GBE1: variants seen among roughly 807,000 people sequenced by gnomAD.
GBE1 encodes 1,4-alpha-glucan branching enzyme 1, also known as 1,4-alpha-glucan-branching enzyme.
GBE1 carries 70 observed loss-of-function variants against 88.8 expected under a neutral mutation model. The ratio of observed to expected loss-of-function variants is 0.79; its 90% CI spans 0.65 to 0.96. The LOEUF (loss-of-function observed/expected upper bound fraction) is 0.96, where lower values mean the gene tolerates loss of function less well. GBE1 is among the 40% of genes least tolerant of loss of function. The pLI, the probability that GBE1 is intolerant of heterozygous loss-of-function variation, is 0.00. For synonymous variants in GBE1, 284 were observed against 300.1 expected (o/e 0.95, Z 0.56); for missense variants, 872 against 871.0 (o/e 1.00, Z -0.01).
intron 12 of GBE1, among the ~76,000 whole-genome samples, chr3:81,538,900 G>C (rs1703110832): frequency 6.6e-6 from 1 of 151,920 alleles, no homozygotes. Context: ...GTGGATCTCT[G>C]GGTTGATCCC....
chr3:81,598,404 C>A (rs201647152), intron 7 of GBE1, among the ~76,000 whole-genome samples: 3 of 151,760 alleles, frequency 2.0e-5, no homozygotes, highest in Admixed American at 6.6e-5. Flanking sequence ...TATAGAATGC[C>A]AAAAAAGTCT....
chr3:81,740,099 C>A (rs1310422542), intron 1 of GBE1, among the ~76,000 whole-genome samples: 6 of 152,020 alleles, frequency 3.9e-5, no homozygotes, highest in Non-Finnish European at 8.8e-5. Flanking sequence ...GTGGCATATG[C>A]CTGTAGTCCC....
chr3:81,667,326 C>T (rs188028502), intron 3 of GBE1, among the ~76,000 whole-genome samples: 1 of 152,142 alleles, frequency 6.6e-6, no homozygotes, highest in African/African-American at 2.4e-5. Context: ...AGTTGCTTAT[C>T]AGCTAAAGGA....
intron 3 of GBE1, among the ~76,000 whole-genome samples, chr3:81,651,919 C>T (rs1352702288): frequency 6.6e-6 from 1 of 152,212 alleles, no homozygotes; most frequent in Admixed American, 6.5e-5. Context: ...GCTGTACACA[C>T]AAATGTCTCC....
At chr3:81,636,936 A>G (rs1704600939) in intron 7 of GBE1, among the ~76,000 whole-genome samples, 1 of 152,152 alleles carries the variant, frequency 6.6e-6, no homozygotes, top group Admixed American at 6.6e-5. Context: ...TATCCAGTGA[A>G]ATTAAAAACA....
At chr3:81,702,216 CAAT>C (rs1469891904) in intron 2 of GBE1, among the ~76,000 whole-genome samples, 1 of 149,592 alleles carries the variant, frequency 6.7e-6, no homozygotes, top group African/African-American at 2.4e-5. Flanking sequence ...GTTGTCATCA[CAAT>C]AAAAATTCTG....
At chr3:81,605,765 A>G (rs891103432) in intron 7 of GBE1, among the ~76,000 whole-genome samples, 1 of 152,148 alleles carries the variant, frequency 6.6e-6, no homozygotes, top group Non-Finnish European at 1.5e-5. Flanking sequence ...GCATGGCTCA[A>G]CTCAGTTGTG....
intron 13 of GBE1, 104 bp from the exon 14 acceptor site, chr3:81,535,429 G>A (rs1043640573): frequency 3.8e-6 from 4 of 1,046,528 alleles, no homozygotes; most frequent in Admixed American, 5.9e-5. Context: ...AACCAAAAAT[G>A]AGTATTTCAG....
chr3:81,712,538 T>C (rs1486890355), intron 1 of GBE1, among the ~76,000 whole-genome samples: 1 of 151,272 alleles, frequency 6.6e-6, no homozygotes, highest in Non-Finnish European at 1.5e-5. Context: ...CTCAGCAAAC[T>C]ATCACAAGGA....
chr3:81,654,858 G>A (rs1049716680), intron 3 of GBE1: 2 of 152,078 alleles, frequency 1.3e-5, no homozygotes, highest in African/African-American at 4.8e-5. Flanking sequence ...GTAAAACAAT[G>A]TTTTGATATA....
At chr3:81,637,217 G>A (rs1353801784) in intron 7 of GBE1, among the ~76,000 whole-genome samples, 1 of 152,104 alleles carries the variant, frequency 6.6e-6, no homozygotes, top group African/African-American at 2.4e-5. Flanking sequence ...TTCTTGTGAT[G>A]CTATGAAGAT....
At chr3:81,569,644 G>A (rs540704395) in intron 12 of GBE1, among the ~76,000 whole-genome samples, 2 of 152,220 alleles carry the variant, frequency 1.3e-5, no homozygotes, top group African/African-American at 4.8e-5. Context: ...GTTAAAATTT[G>A]GAGGAAAAGT....
In GBE1 at chr3:81,733,427, G is replaced by C. The variant is rs1187577594; in HGVS notation, c.144-27814C>G. Among the ~76,000 whole-genome samples, 2 of 152,080 alleles carry C rather than the reference G, an allele frequency of 1.3e-5. No individual in the cohort carries two copies. Among genetic ancestry groups the C allele is most frequent in the Non-Finnish European group, 2.9e-5 (2 of 68,012 alleles). Reference sequence around the variant, plus strand: ...TGCACAAAAAAAATGTAATGCACTTGAATCATCCCAAAACAATCCCCTGCC... The same window carrying C: ...TGCACAAAAAAAATGTAATGCACTTCAATCATCCCAAAACAATCCCCTGCC... On this transcript the variant is annotated intron_variant, in intron 1 of 15. Coordinates refer to ENST00000429644, the MANE Select transcript of GBE1 (RefSeq NM_000158.4). This position sits in a 1 kb window ranked among gnomAD's most constrained non-coding sequence, Gnocchi z 4.0.
At chr3:81,603,744 C>T (rs1001066563) in intron 7 of GBE1, among the ~76,000 whole-genome samples, 12 of 152,132 alleles carry the variant, frequency 7.9e-5, no homozygotes, top group African/African-American at 2.9e-4. Context: ...GATCCACCCA[C>T]CTCGGCCTCC....
chr3:81,498,929 T>C (rs572065279), intron 15 of GBE1, among the ~76,000 whole-genome samples, 181 bp downstream of exon 15: 35 of 152,280 alleles, frequency 2.3e-4, no homozygotes, highest in South Asian at 2.1e-3. Flanking sequence ...TATTAGTTTT[T>C]CCAAAACCCA....
chr3:81,504,192 G>T (rs1484981332), intron 14 of GBE1, among the ~76,000 whole-genome samples: 3 of 151,882 alleles, frequency 2.0e-5, no homozygotes, highest in Non-Finnish European at 4.4e-5. Context: ...GATCTTAAGG[G>T]GACAAATATC....
At chr3:81,572,846 T>C (rs565715147) in intron 12 of GBE1, among the ~76,000 whole-genome samples, 2 of 152,248 alleles carry the variant, frequency 1.3e-5, no homozygotes, top group South Asian at 4.2e-4. Context: ...GACATAGTAG[T>C]CAATTTGCCT....
intron 14 of GBE1, among the ~76,000 whole-genome samples, chr3:81,529,310 T>C (rs192748666): frequency 6.6e-6 from 1 of 152,188 alleles, no homozygotes; most frequent in East Asian, 1.9e-4. Flanking sequence ...ATTATAATTT[T>C]GTCTATGTCT....
intron 14 of GBE1, among the ~76,000 whole-genome samples, chr3:81,504,915 T>G (rs1702634524): frequency 6.6e-6 from 1 of 152,170 alleles, no homozygotes; most frequent in Non-Finnish European, 1.5e-5. Context: ...CTAAGGAAAT[T>G]TATTGTAAGG....
Sources: allele counts gnomAD v4.1 joint callset (sites outside exome capture counted in the v4.1 genomes callset), GRCh38; gene constraint gnomAD v4.1.1; non-coding constraint Gnocchi (gnomAD v3.1); transcripts MANE v1.5; gene names NCBI Gene and HGNC (gene_info 2026-07-23, HGNC 2026-07-21).